TBCD: variants seen among roughly 807,000 people sequenced by gnomAD.
TBCD encodes the protein tubulin folding cofactor D.
Under a neutral mutation model 169.3 loss-of-function variants are expected in TBCD, and 105 were observed. That is an observed-to-expected ratio of 0.62 (90% CI 0.53 to 0.73). TBCD has a LOEUF of 0.73. Among genes scored for constraint, TBCD ranks in the 30% least tolerant of loss-of-function variants. The pLI, the probability that TBCD is intolerant of heterozygous loss-of-function variation, is 0.00. For synonymous variants in TBCD, 700 were observed against 643.9 expected (o/e 1.09, Z -1.32); for missense variants, 1,444 against 1,600.1 (o/e 0.90, Z 1.66).
chr17:82,834,611 C>T (rs1028233640), intron 13 of TBCD, among the ~76,000 whole-genome samples: 1 of 151,804 alleles, frequency 6.6e-6, no homozygotes, highest in African/African-American at 2.4e-5. Context: ...AGCAAACTAA[C>T]GCAGGAAGAG....
intron 13 of TBCD, among the ~76,000 whole-genome samples, chr17:82,823,367 G>T (rs1258754819): frequency 6.6e-6 from 1 of 152,220 alleles, no homozygotes; most frequent in Non-Finnish European, 1.5e-5. Context: ...GTTTTTGTTG[G>T]CTTGTTTAAT....
intron 38 of TBCD, 170 bp downstream of exon 38, chr17:82,941,653 C>T (rs1326430081): frequency 7.8e-6 from 5 of 639,748 alleles, no homozygotes; most frequent in African/African-American, 5.6e-5. Context: ...CTTCTCTGGC[C>T]ACTGCCCACA....
chr17:82,788,416 C>T (rs950795745), intron 7 of TBCD, among the ~76,000 whole-genome samples: 2 of 152,024 alleles, frequency 1.3e-5, no homozygotes, highest in African/African-American at 4.8e-5. Context: ...CTGGGGGACT[C>T]GGACTGCGAG....
At chr17:82,937,087 A>C in intron 34 of TBCD, 184 bp from the exon 35 acceptor site, 12 of 583,042 alleles carry the variant, frequency 2.1e-5, no homozygotes, top group East Asian at 5.7e-5. Flanking sequence ...GCTAGGGACC[A>C]GGCCGGCCTG....
chr17:82,929,539 C>T (rs775956344), intron 32 of TBCD, 39 bp downstream of exon 32: 25 of 1,599,058 alleles, frequency 1.6e-5, no homozygotes, highest in Non-Finnish European at 2.1e-5. Flanking sequence ...GGAGGTGGCT[C>T]CAGGAGTGCC....
chr17:82,898,072 T>C (rs1461078367), intron 17 of TBCD, among the ~76,000 whole-genome samples: 41 of 123,484 alleles, frequency 3.3e-4, no homozygotes, highest in South Asian at 8.6e-4. Context: ...GCACATGGCA[T>C]GGCTCTGGGT....
chr17:82,881,925 C>T (rs1194621230), intron 14 of TBCD, among the ~76,000 whole-genome samples: 1 of 150,496 alleles, frequency 6.6e-6, no homozygotes, highest in Non-Finnish European at 1.5e-5. Flanking sequence ...TCCCCTCCTC[C>T]CTTCCTCCCT....
At chr17:82,933,736 T>C (rs969795941) in intron 34 of TBCD, among the ~76,000 whole-genome samples, 1 of 152,202 alleles carries the variant, frequency 6.6e-6, no homozygotes, top group African/African-American at 2.4e-5. Flanking sequence ...CGCAGACTTC[T>C]GAGTAGCTGA....
chr17:82,793,127 T>G (rs1221994911), intron 7 of TBCD, among the ~76,000 whole-genome samples: 1 of 152,248 alleles, frequency 6.6e-6, no homozygotes, highest in Admixed American at 6.5e-5. Flanking sequence ...AGAAATTTAT[T>G]TTGTCAGAAA....
chr17:82,841,496 A>G (rs2054524132), intron 13 of TBCD, among the ~76,000 whole-genome samples: 1 of 151,934 alleles, frequency 6.6e-6, no homozygotes. Flanking sequence ...TTTTGTAGAG[A>G]CAGGGTTTTG....
intron 13 of TBCD, among the ~76,000 whole-genome samples, chr17:82,844,320 G>C (rs555819231): frequency 6.6e-6 from 1 of 151,808 alleles, no homozygotes; most frequent in Non-Finnish European, 1.5e-5. Flanking sequence ...AGCCTCCCGG[G>C]TAGCTGGGAC....
rs996848656 is a variant in TBCD at position 82,807,818 on chromosome 17, C to T, written c.1148+150C>T. The T allele has an allele frequency of 2.0e-5, 11 of 541,040 alleles. No homozygotes were observed. The South Asian group carries it at 2.3e-4, about 11-fold the overall frequency. 33.5% of individuals were successfully genotyped at this position (541,040 alleles called of 1,614,324 possible). On this transcript the variant is annotated intron_variant, in intron 11 of 38. Transcript: ENST00000355528. ...TTATGTGTGTTGCTTTACGTGTTGGCGTGAAGATGGTTCCCGAGGCGGAGC... is the reference window on the plus strand; with the variant it reads ...TTATGTGTGTTGCTTTACGTGTTGGTGTGAAGATGGTTCCCGAGGCGGAGC...
At chr17:82,845,520 C>T (rs1010935457) in intron 13 of TBCD, among the ~76,000 whole-genome samples, 2 of 133,560 alleles carry the variant, frequency 1.5e-5, no homozygotes, top group African/African-American at 5.0e-5. Context: ...TCCGTCCTGT[C>T]CAGCTCAGCC....
At chr17:82,837,559 A>G (rs1427512341) in intron 13 of TBCD, among the ~76,000 whole-genome samples, 1 of 152,188 alleles carries the variant, frequency 6.6e-6, no homozygotes, top group Non-Finnish European at 1.5e-5. Flanking sequence ...CTGTCTGTTA[A>G]TAAAGCAGAG....
At chr17:82,866,198 T>C (rs1305138212) in intron 13 of TBCD, among the ~76,000 whole-genome samples, 1 of 152,308 alleles carries the variant, frequency 6.6e-6, no homozygotes, top group Admixed American at 6.5e-5. Flanking sequence ...CTGTCAAGGC[T>C]GGCCTGTCCC....
chr17:82,861,919 T>C (rs1049982689), intron 13 of TBCD, among the ~76,000 whole-genome samples: 1 of 151,794 alleles, frequency 6.6e-6, no homozygotes, highest in Admixed American at 6.5e-5. Flanking sequence ...AGGTCTTTTT[T>C]TTTTTTCTTT....
intron 2 of TBCD, among the ~76,000 whole-genome samples, chr17:82,758,404 T>TAAATAAAAAAAA (rs2047552957): frequency 1.3e-5 from 1 of 79,426 alleles, no homozygotes; most frequent in African/African-American, 4.5e-5. Context: ...AAAAAAAAAA[T>TAAATAAAAAAAA]AAATAAATAA....
intron 7 of TBCD, among the ~76,000 whole-genome samples, chr17:82,786,048 C>T (rs1054760451): frequency 6.6e-6 from 1 of 152,102 alleles, no homozygotes; most frequent in African/African-American, 2.4e-5. Context: ...AGCAGCTCTT[C>T]AGCTTCACGG....
intron 38 of TBCD, 73 bp from the exon 39 acceptor site, chr17:82,942,376 G>C: frequency 6.2e-7 from 1 of 1,607,900 alleles, no homozygotes; most frequent in Non-Finnish European, 8.5e-7. Context: ...GGCCCAGAGG[G>C]GTGAGGGTCC....
Sources: allele counts gnomAD v4.1 joint callset (sites outside exome capture counted in the v4.1 genomes callset), GRCh38; gene constraint gnomAD v4.1.1; transcripts MANE v1.5; gene names NCBI Gene and HGNC (gene_info 2026-07-23, HGNC 2026-07-21).